Variants in PPFIBP1 observed in about 807,000 individuals in gnomAD.
PPFIBP1 encodes the protein PPFIB scaffold protein 1.
Under a neutral mutation model 137.8 loss-of-function variants are expected in PPFIBP1, and 112 were observed. The observed-to-expected ratio is 0.81, with a 90% CI of 0.70 to 0.95. PPFIBP1 has a LOEUF of 0.95. PPFIBP1 is among the 40% of genes least tolerant of loss of function. PPFIBP1 has a pLI of 0.00. For synonymous variants in PPFIBP1, 378 were observed against 417.3 expected (o/e 0.91, Z 1.15); for missense variants, 1,083 against 1,196.6 (o/e 0.91, Z 1.40).
intron 13 of PPFIBP1, among the ~76,000 whole-genome samples, chr12:27,668,268 C>G (rs2059982297): frequency 1.3e-5 from 2 of 152,156 alleles, no homozygotes; most frequent in Non-Finnish European, 2.9e-5. Context: ...TTGCGCATAG[C>G]TTCTTGAGGA....
At chr12:27,671,328 A>AT (rs1169113499) in intron 13 of PPFIBP1, 103 bp from the exon 14 acceptor site, 9 of 632,178 alleles carry the variant, frequency 1.4e-5, no homozygotes, top group Non-Finnish European at 2.5e-5. Flanking sequence ...TGATTATGAG[A>AT]TTTTGTCAAT....
At chr12:27,547,297 T>C (rs1295396581) in intron 1 of PPFIBP1, 1 of 152,202 alleles carries the variant, frequency 6.6e-6, no homozygotes, top group Non-Finnish European at 1.5e-5. Flanking sequence ...ACTTGCTGTA[T>C]TCCTGTGCAT....
At chr12:27,638,470 T>C (rs565762167) in intron 4 of PPFIBP1, among the ~76,000 whole-genome samples, 12 of 150,760 alleles carry the variant, frequency 8.0e-5, no homozygotes, top group African/African-American at 2.9e-4. Flanking sequence ...TATATGACCT[T>C]GTGAAAATGT....
At chr12:27,633,340 T>C (rs1209602273) in intron 2 of PPFIBP1, 22 bp from the exon 3 acceptor site, 1 of 1,534,980 alleles carries the variant, frequency 6.5e-7, no homozygotes, top group East Asian at 2.3e-5. Context: ...ATGGATGTAA[T>C]GATAACCTTA....
At chr12:27,611,451 C>T (rs1170215558) in intron 2 of PPFIBP1, among the ~76,000 whole-genome samples, 2 of 152,058 alleles carry the variant, frequency 1.3e-5, no homozygotes, top group Non-Finnish European at 2.9e-5. Flanking sequence ...GGAATTAGGG[C>T]CCATCCGAAT....
At chr12:27,604,901 A>C (rs894158112) in intron 2 of PPFIBP1, among the ~76,000 whole-genome samples, 4 of 152,350 alleles carry the variant, frequency 2.6e-5, no homozygotes, top group African/African-American at 9.6e-5. Context: ...CACATCTTAC[A>C]TGGATGGCGG....
In PPFIBP1 at chr12:27,667,265, C is replaced by G. The variant is rs763707181; in HGVS notation, c.1091C>G (p.Thr364Ser). 5.0e-6 allele frequency: 8 copies of G among 1,613,686 alleles called. No individual in the cohort carries two copies. In the East Asian group the frequency reaches 1.3e-4, roughly 27 times the overall value. The change falls in exon 13 of 30, where the codon ACT becomes AGT. Residue 364 changes from threonine (T) to serine (S), a missense_variant. Physicochemically the swap from Thr to Ser is moderately conservative, Grantham distance 58. Transcript: ENST00000228425. The part of the protein sequence containing the change: ...FSDLEKSPSP[T>S]PVMGSPSCDP... The stretch of plus-strand genomic sequence containing the variant: ...GATCTGGAGAAAAGTCCATCACCCA[C>G]TCCAGTAATGGGATCTCCCAGTTGT...
At chr12:27,617,356 C>G (rs1403321401) in intron 2 of PPFIBP1, among the ~76,000 whole-genome samples, 1 of 152,152 alleles carries the variant, frequency 6.6e-6, no homozygotes, top group African/African-American at 2.4e-5. Flanking sequence ...GATCCCTTCA[C>G]CTGGTCCACA....
At chr12:27,585,640 T>G (rs2051649026) in intron 2 of PPFIBP1, among the ~76,000 whole-genome samples, 1 of 152,154 alleles carries the variant, frequency 6.6e-6, no homozygotes, top group Non-Finnish European at 1.5e-5. Flanking sequence ...TGCACATTTT[T>G]GTAAGTCTGG....
At chr12:27,598,895 G>A (rs1311029577) in intron 2 of PPFIBP1, among the ~76,000 whole-genome samples, 3 of 152,304 alleles carry the variant, frequency 2.0e-5, no homozygotes, top group African/African-American at 7.2e-5. Context: ...CGTCTAAGTA[G>A]TATAAGCTGC....
intron 9 of PPFIBP1, among the ~76,000 whole-genome samples, chr12:27,657,768 A>C (rs2059298404): frequency 6.6e-6 from 1 of 152,090 alleles, no homozygotes; most frequent in South Asian, 2.1e-4. Context: ...TGTATTGATA[A>C]GGGACATTCA....
intron 1 of PPFIBP1, among the ~76,000 whole-genome samples, chr12:27,558,358 G>A (rs1430769426): frequency 6.6e-6 from 1 of 151,368 alleles, no homozygotes; most frequent in African/African-American, 2.4e-5. Context: ...CCAGTAATTA[G>A]ATCATATAAT....
chr12:27,599,409 A>G, intron 2 of PPFIBP1: 1 of 455,386 alleles, frequency 2.2e-6, no homozygotes, highest in East Asian at 6.9e-5. Flanking sequence ...GACTGGAGCT[A>G]TACCCTTGGG....
chr12:27,668,833 T>G (rs983736830), intron 13 of PPFIBP1, among the ~76,000 whole-genome samples: 14 of 152,032 alleles, frequency 9.2e-5, no homozygotes, highest in Admixed American at 6.6e-5. Context: ...CCTAAGGTAT[T>G]TTTTTTTCTA....
In PPFIBP1 at chr12:27,572,310, A is replaced by C. The variant is rs145562102; in HGVS notation, c.-123-5842A>C. 1.7e-3 allele frequency among the ~76,000 whole-genome samples: 258 copies of C among 152,326 alleles called. 2 individuals are homozygous for C. The South Asian group carries it at 0.031, about 18-fold the overall frequency. On this transcript the variant is annotated intron_variant, in intron 1 of 29. Coordinates refer to ENST00000228425, the MANE Select transcript of PPFIBP1 (RefSeq NM_003622.4). ...CTTTCCTTCACTAGGCTGCCAGTACAGTCTCACACAGCATATTACTCTACA... is the reference window on the plus strand; with the variant it reads ...CTTTCCTTCACTAGGCTGCCAGTACCGTCTCACACAGCATATTACTCTACA...
chr12:27,545,008 G>A (rs1946080816), intron 1 of PPFIBP1, among the ~76,000 whole-genome samples: 1 of 152,134 alleles, frequency 6.6e-6, no homozygotes, highest in Admixed American at 6.5e-5. Flanking sequence ...TGATAGACTA[G>A]ATAAAGAAAA....
chr12:27,660,998 A>G (rs1278429204), intron 11 of PPFIBP1, 53 bp downstream of exon 11: 13 of 1,598,640 alleles, frequency 8.1e-6, no homozygotes, highest in Non-Finnish European at 1.1e-5. Context: ...CACCATTTTG[A>G]CCATTCCATG....
chr12:27,644,244 G>GTTTTTTTTTTTTTTTTTTT (rs3842650), intron 4 of PPFIBP1, among the ~76,000 whole-genome samples: 38 of 117,760 alleles, frequency 3.2e-4, no homozygotes, highest in African/African-American at 4.9e-4. Context: ...GCTTGGCTAA[G>GTTTTTTTTTTTTTTTTTTT]TTTTTTTTTT....
At chr12:27,600,436 C>CA (rs35671015) in intron 2 of PPFIBP1, among the ~76,000 whole-genome samples, 3,933 of 105,680 alleles carry the variant, frequency 0.037, 300 homozygotes, top group Admixed American at 0.22. Context: ...AACTCCGTCT[C>CA]AAAAAAAAAA....
Sources: gnomAD v4.1 joint callset for allele counts (sites outside exome capture counted in the v4.1 genomes callset) on GRCh38, gnomAD v4.1.1 for gene constraint, MANE v1.5 for transcripts, NCBI Gene and HGNC (gene_info 2026-07-23, HGNC 2026-07-21) for gene names.